RNF19A: variants seen among roughly 807,000 people sequenced by gnomAD.
RNF19A encodes E3 ubiquitin-protein ligase RNF19A.
In RNF19A, 32 loss-of-function variants were observed where a neutral mutation model predicts 75.7. The observed-to-expected ratio is 0.42, with a 90% CI of 0.32 to 0.57. The LOEUF (loss-of-function observed/expected upper bound fraction) is 0.57. RNF19A is among the 20% of genes least tolerant of loss of function. The probability of loss-of-function intolerance (pLI) is 0.10; values close to 1 mark genes in which losing one functional copy is unlikely to be tolerated. For missense variants in RNF19A, 782 were observed against 1,036.3 expected, an observed-to-expected ratio of 0.75 and a Z score of 3.37; for synonymous variants, 335 against 345.2, an observed-to-expected ratio of 0.97 and a Z score of 0.33.
At chr8:100,272,343 A>C (rs895917118) in intron 3 of RNF19A, among the ~76,000 whole-genome samples, 4 of 152,238 alleles carry the variant, frequency 2.6e-5, no homozygotes, top group African/African-American at 9.6e-5. Flanking sequence ...TTATGTAACT[A>C]AGCACACATC....
At chr8:100,313,891 A>G (rs1199688760), upstream of RNF19A, among the ~76,000 whole-genome samples, 2 of 104,852 alleles carry the variant, frequency 1.9e-5, no homozygotes, top group Non-Finnish European at 3.9e-5. Flanking sequence ...AAGTAAAGAG[A>G]AAGAGAACTA....
At chr8:100,335,514 A>T (rs1822667767) in intron 1 of RNF19A, among the ~76,000 whole-genome samples, 1 of 152,272 alleles carries the variant, frequency 6.6e-6, no homozygotes, top group Admixed American at 6.5e-5. Flanking sequence ...CCCAAATATG[A>T]GTACATATTA....
intron 2 of RNF19A, among the ~76,000 whole-genome samples, chr8:100,278,173 A>C (rs1008989342): frequency 1.3e-5 from 2 of 152,248 alleles, no homozygotes; most frequent in Non-Finnish European, 2.9e-5. Context: ...CAGCCAAAAT[A>C]ATCTTTGGCT....
At position 100,258,559 on chromosome 8, in the gene RNF19A, A is replaced by C; in HGVS notation, c.2514T>G (p.Ile838Met). ...TTATTCTGCAGCATTTATGGGCCTAAATTTCAGTCTGAATTGCAACTTTTA... is the reference window on the plus strand; with the variant it reads ...TTATTCTGCAGCATTTATGGGCCTACATTTCAGTCTGAATTGCAACTTTTA... Reference protein sequence around the residue: ...MELKVAIQTEI With the variant: ...MELKVAIQTEM Residue 838 changes from isoleucine to methionine, a missense_variant, in exon 10 of 10, where the codon ATT (isoleucine) becomes ATG (methionine). Coordinates refer to ENST00000341084, the MANE Select transcript of RNF19A (RefSeq NM_183419.4). The surrounding 1 kb of genome is among the most constrained non-coding windows in gnomAD (Gnocchi z 4.3). The C allele has an allele frequency of 6.2e-7, 1 of 1,605,310 alleles. No homozygotes were observed. The highest frequency in any genetic ancestry group is 1.1e-5 in the South Asian group (1 of 89,484).
chr8:100,279,602 G>T (rs1407791890), intron 2 of RNF19A, among the ~76,000 whole-genome samples: 1 of 152,126 alleles, frequency 6.6e-6, no homozygotes, highest in East Asian at 1.9e-4. Flanking sequence ...GCCCAGGCTG[G>T]AGTGCAGTGG....
Position 100,288,276 on chromosome 8 carries a change from T to C in RNF19A, c.-93-9A>G, listed in dbSNP as rs1013201759. The C allele has an allele frequency of 7.6e-7, 1 of 1,318,330 alleles. No individual in the cohort carries two copies. Among genetic ancestry groups the C allele is most frequent in the African/African-American group, 1.5e-5 (1 of 66,920 alleles). The allele number at this position is 1,318,330 out of a possible 1,614,324, so 81.7% of individuals were successfully genotyped here. A position where few individuals can be genotyped will look rare whatever the true frequency, so the allele number is the denominator to read the frequency against. ...CTGCTATCATGGATGTTCTGAAAAATAAAAAATAAAAAAATCAAGATCATT... is the reference window on the plus strand; with the variant it reads ...CTGCTATCATGGATGTTCTGAAAAACAAAAAATAAAAAAATCAAGATCATT... On this transcript the variant is annotated splice_polypyrimidine_tract_variant and intron_variant, in intron 1 of 9. Coordinates refer to ENST00000341084, the MANE Select transcript of RNF19A (RefSeq NM_183419.4).
chr8:100,302,696 G>A (rs1489692152), intron 1 of RNF19A, among the ~76,000 whole-genome samples: 1 of 152,144 alleles, frequency 6.6e-6, no homozygotes, highest in South Asian at 2.1e-4. Context: ...AAGATGTAGG[G>A]GAGAAGAGGC....
Position 100,332,568 on chromosome 8 carries a change from T to A in RNF19A, c.-243+3540A>T, listed in dbSNP as rs1469719421. 6.6e-6 allele frequency among the ~76,000 whole-genome samples: 1 copy of A among 152,256 alleles called. No homozygotes were observed. Among genetic ancestry groups the A allele is most frequent in the East Asian group, 1.9e-4 (1 of 5,206 alleles). On this transcript the variant is annotated intron_variant, in intron 1 of 3. Transcript: ENST00000519527. The surrounding 1 kb of genome is among the most constrained non-coding windows in gnomAD (Gnocchi z 4.8). ...ACTAATACAATATCTATTGTCCAAT[T>A]ATCCTACAAGTGATCACATAAATCA...
rs1820946646 is a variant in RNF19A at position 100,284,943 on chromosome 8, A to G, written c.674+2558T>C. On this transcript the variant is annotated intron_variant, in intron 2 of 9. Coordinates refer to ENST00000341084, the MANE Select transcript of RNF19A (RefSeq NM_183419.4). This position sits in a 1 kb window ranked among gnomAD's most constrained non-coding sequence, Gnocchi z 4.3. ...TCAGTATACTAAGCATGAACTGGAA[A>G]TCAGAACCTTTATTTACCAGTGGCT... Among the ~76,000 whole-genome samples, 1 of 152,154 alleles carries G rather than the reference A, an allele frequency of 6.6e-6. No individual in the cohort carries two copies. The highest frequency in any genetic ancestry group is 1.5e-5 in the Non-Finnish European group (1 of 67,998).
At position 100,264,067 on chromosome 8, in the gene RNF19A, C is replaced by A. The variant is rs760194203; in HGVS notation, c.1435G>T (p.Asp479Tyr). The A allele has an allele frequency of 1.2e-6, 2 of 1,613,562 alleles. No individual in the cohort carries two copies. The highest frequency in any genetic ancestry group is 1.7e-6 in the Non-Finnish European group (2 of 1,179,738). Residue 479 changes from aspartate (D) to tyrosine (Y), a missense_variant, in exon 7 of 10, where the codon GAT becomes TAT. Around this residue, in one of 7 missense-constraint regions of RNF19A, gnomAD observed 442 missense variants for 541.6 expected, o/e 0.82. Transcript: ENST00000341084. This position sits in a 1 kb window ranked among gnomAD's most constrained non-coding sequence, Gnocchi z 4.7. ...GVRIEFDDEN[D>Y]INVGGTNTAV... ...GTGTTAGTTCCACCAACATTTATAT[C>A]ATTTTCATCATCAAATTCAATCCTA...
chr8:100,303,753 G>A (rs1175458747), intron 1 of RNF19A, among the ~76,000 whole-genome samples: 8 of 131,640 alleles, frequency 6.1e-5, no homozygotes, highest in African/African-American at 9.4e-5. Context: ...GCAAAACCTC[G>A]CCGCTTGTAA....
At position 100,324,881 on chromosome 8, in the gene RNF19A, C is replaced by A. The variant is rs146040489; in HGVS notation, c.-243+11227G>T. On this transcript the variant is annotated intron_variant, in intron 1 of 3. Coordinates refer to the RNF19A transcript ENST00000519527. This position sits in a 1 kb window ranked among gnomAD's most constrained non-coding sequence, Gnocchi z 4.2. ...TCCTTTCTCTCTTTCTCTTTTTTTT[C>A]TTTCTTTCTCTCTCTCTCTTTCTCT... Among the ~76,000 whole-genome samples the A allele has an allele frequency of 1.8e-5, 2 of 111,774 alleles. No individual in the cohort carries two copies. The highest frequency in any genetic ancestry group is 1.6e-4 in the Admixed American group (2 of 12,204). 73.3% of individuals were successfully genotyped at this position (111,774 alleles called of 152,430 possible). A position where few individuals can be genotyped will look rare whatever the true frequency, so the allele number is the denominator to read the frequency against.
At position 100,269,004 on chromosome 8, in the gene RNF19A, A is replaced by G; in HGVS notation, c.1029-57T>C. On this transcript the variant is annotated intron_variant, in intron 4 of 9. Transcript: ENST00000341084. The surrounding 1 kb of genome is among the most constrained non-coding windows in gnomAD (Gnocchi z 5.7). ...CTGCAAAACACCACAATAACAAATTAGTGCACTATATTAAAACAATGACTA... is the reference window on the plus strand; with the variant it reads ...CTGCAAAACACCACAATAACAAATTGGTGCACTATATTAAAACAATGACTA... The G allele has an allele frequency of 7.2e-7, 1 of 1,391,932 alleles. No homozygotes were observed. Among genetic ancestry groups the G allele is most frequent in the Non-Finnish European group, 9.8e-7 (1 of 1,024,624 alleles). The allele number at this position is 1,391,932 out of a possible 1,614,324, so 86.2% of individuals were successfully genotyped here. A position where few individuals can be genotyped will look rare whatever the true frequency, so the allele number is the denominator to read the frequency against.
rs961132072 is a variant in RNF19A at position 100,317,362 on chromosome 8, T to C, written c.-242-3990A>G. Among the ~76,000 whole-genome samples the C allele has an allele frequency of 1.3e-5, 2 of 152,212 alleles. No homozygotes were observed. Among genetic ancestry groups the C allele is most frequent in the Non-Finnish European group, 2.9e-5 (2 of 68,036 alleles). On this transcript the variant is annotated intron_variant, in intron 1 of 3. Coordinates refer to the RNF19A transcript ENST00000519527. This position sits in a 1 kb window ranked among gnomAD's most constrained non-coding sequence, Gnocchi z 4.3. The stretch of plus-strand genomic sequence containing the variant: ...CTGTCACCTCTCATAAGTGTTTCAG[T>C]CATTATGATAATATCCCAACTTCAG...
In RNF19A at chr8:100,288,117, T is replaced by C. The variant is rs368375252; in HGVS notation, c.58A>G (p.Thr20Ala). 4 of 1,613,914 alleles carry C rather than the reference T, an allele frequency of 2.5e-6. No individual in the cohort carries two copies. The highest frequency in any genetic ancestry group is 2.7e-5 in the African/African-American group (2 of 74,910). ...SKYNEGLCVN[T>A]DPVSILTSIL... ...CTTGTTAGAATTGAGACAGGGTCAG[T>C]GTTTACACACAGCCCTTCATTATAT... The change falls in exon 2 of 10, where the codon ACT (threonine) becomes GCT (alanine). Residue 20 changes from threonine to alanine, a missense_variant. This residue lies in a region of RNF19A where 148 missense variants were observed against 147.9 expected (regional missense o/e 1.00). Transcript: ENST00000341084.
intron 2 of RNF19A, among the ~76,000 whole-genome samples, chr8:100,285,836 T>C (rs1348595662): frequency 6.6e-6 from 1 of 152,036 alleles, no homozygotes; most frequent in Non-Finnish European, 1.5e-5. Flanking sequence ...TAGAGGAATG[T>C]ATGAAGCACC....
chr8:100,308,374 T>C (rs1822144354), intron 1 of RNF19A, among the ~76,000 whole-genome samples: 2 of 152,206 alleles, frequency 1.3e-5, no homozygotes, highest in South Asian at 4.1e-4. Flanking sequence ...AAGACTTAAT[T>C]CTAAATTTTT....
upstream of RNF19A, chr8:100,313,210 C>G (rs919008130): frequency 1.8e-5 from 8 of 441,468 alleles, no homozygotes; most frequent in African/African-American, 1.7e-4. Context: ...AATGAAAAAG[C>G]CTACATATCC....
chr8:100,261,427 G>T lies in RNF19A; in HGVS notation c.1682+115C>A. The T allele has an allele frequency of 1.1e-6, 1 of 917,702 alleles. No individual in the cohort carries two copies. Among genetic ancestry groups the T allele is most frequent in the South Asian group, 1.6e-5 (1 of 63,060 alleles). The allele number at this position is 917,702 out of a possible 1,614,324, so 56.8% of individuals were successfully genotyped here. On this transcript the variant is annotated intron_variant, in intron 8 of 9. Transcript: ENST00000341084. The surrounding 1 kb of genome is among the most constrained non-coding windows in gnomAD (Gnocchi z 4.4). ...ATTTCATTTTTAACATTACTATTTT[G>T]AACCTTGACATAGTAGGGTTATATA...
Sources: gnomAD v4.1 joint callset for allele counts (sites outside exome capture counted in the v4.1 genomes callset) on GRCh38, gnomAD v4.1.1 for gene constraint, gnomAD v4.1.1 regional missense constraint, Gnocchi (gnomAD v3.1) non-coding constraint, MANE v1.5 for transcripts, NCBI Gene and HGNC (gene_info 2026-07-23, HGNC 2026-07-21) for gene names.